Variants in ZBTB7C observed in about 807,000 individuals in gnomAD.
The protein encoded by ZBTB7C is zinc finger and BTB domain-containing protein 7C.
A neutral mutation model predicts 25.7 loss-of-function variants in ZBTB7C; 8 were observed. That is an observed-to-expected ratio of 0.31 (90% confidence interval 0.18 to 0.56). ZBTB7C has a LOEUF of 0.56. Among genes scored for constraint, ZBTB7C ranks in the 20% least tolerant of loss-of-function variants. ZBTB7C has a pLI of 0.91. For missense variants in ZBTB7C, 824 were observed against 855.2 expected (o/e 0.96, Z 0.46); for synonymous variants, 394 against 369.0 (o/e 1.07, Z -0.78).
At position 48,095,031 on chromosome 18, in the gene ZBTB7C, T is replaced by C. The variant is rs1658364033; in HGVS notation, c.-16-53908A>G. Among the ~76,000 whole-genome samples the C allele has an allele frequency of 2.0e-5, 3 of 152,154 alleles. No homozygotes were observed. In the South Asian group the frequency reaches 6.2e-4, roughly 32 times the overall value. ...GCAAGGCATTTCTGGGTTATTCTTC[T>C]CACTCTGGGGCAGCTGAATTTGCTG... is the stretch of plus-strand genomic sequence containing the variant. On this transcript the variant is annotated intron_variant, in intron 3 of 4. Coordinates refer to ENST00000590800, the MANE Select transcript of ZBTB7C (RefSeq NM_001318841.2).
intron 2 of ZBTB7C, among the ~76,000 whole-genome samples, chr18:48,306,490 G>A (rs2144769080): frequency 6.6e-6 from 1 of 152,178 alleles, no homozygotes; most frequent in East Asian, 1.9e-4. Flanking sequence ...AAAACTTTTT[G>A]TATTTCCAGT....
chr18:48,220,098 A>G (rs2068615201), intron 2 of ZBTB7C, among the ~76,000 whole-genome samples: 1 of 152,176 alleles, frequency 6.6e-6, no homozygotes, highest in Non-Finnish European at 1.5e-5. Context: ...GGTGAACTCA[A>G]CATCTGCTCT....
chr18:48,237,377 A>T (rs1283004658), intron 2 of ZBTB7C, among the ~76,000 whole-genome samples: 1 of 152,130 alleles, frequency 6.6e-6, no homozygotes, highest in Non-Finnish European at 1.5e-5. Context: ...CCTAGGAAAC[A>T]GTACAAATGT....
intron 3 of ZBTB7C, among the ~76,000 whole-genome samples, chr18:48,131,523 C>T (rs925797155): frequency 6.6e-6 from 1 of 152,154 alleles, no homozygotes; most frequent in Non-Finnish European, 1.5e-5. Flanking sequence ...TGAGTTCCCC[C>T]ATGCCAGTTG....
intron 2 of ZBTB7C, among the ~76,000 whole-genome samples, chr18:48,232,910 G>T (rs1312529395): frequency 6.6e-6 from 1 of 152,142 alleles, no homozygotes. Context: ...CCAACCCCCT[G>T]GTTGAGTGTT....
At chr18:48,230,542 C>G (rs562345867) in intron 2 of ZBTB7C, among the ~76,000 whole-genome samples, 1 of 152,288 alleles carries the variant, frequency 6.6e-6, no homozygotes, top group Admixed American at 6.5e-5. Context: ...ATGCCTGGGA[C>G]AGATTTTTGG....
intron 2 of ZBTB7C, among the ~76,000 whole-genome samples, chr18:48,207,310 G>C (rs1486605977): frequency 6.6e-6 from 1 of 152,144 alleles, no homozygotes; most frequent in Non-Finnish European, 1.5e-5. Context: ...TTCACTGTTA[G>C]GTATGTGCCC....
intron 1 of ZBTB7C, among the ~76,000 whole-genome samples, chr18:48,349,209 G>A (rs1453468907): frequency 6.6e-6 from 1 of 152,178 alleles, no homozygotes; most frequent in Non-Finnish European, 1.5e-5. Flanking sequence ...AGGGGAGGGA[G>A]GACTAAAGGA....
intron 1 of ZBTB7C, among the ~76,000 whole-genome samples, chr18:48,366,658 A>G (rs2047227683): frequency 6.6e-6 from 1 of 152,246 alleles, no homozygotes; most frequent in Admixed American, 6.5e-5. Context: ...TCCATCTACA[A>G]AACAGGAAAC....
In ZBTB7C at chr18:48,119,226, T is replaced by A. The variant is rs561702834; in HGVS notation, c.-17+66708A>T. On this transcript the variant is annotated intron_variant, in intron 3 of 4. Coordinates refer to ENST00000590800, the MANE Select transcript of ZBTB7C (RefSeq NM_001318841.2). ...ATGACTCTACACTAAAGGGTATTAT[T>A]TCTCCCATTACTTTGTTTGCATCCA... is the stretch of plus-strand genomic sequence containing the variant. Among the ~76,000 whole-genome samples, 8 of 152,356 alleles carry A rather than the reference T, an allele frequency of 5.3e-5. No individual in the cohort carries two copies. In the South Asian group the frequency reaches 1.4e-3, roughly 28 times the overall value.
At chr18:48,336,045 C>G (rs1335521735) in intron 2 of ZBTB7C, among the ~76,000 whole-genome samples, 1 of 152,196 alleles carries the variant, frequency 6.6e-6, no homozygotes, top group Non-Finnish European at 1.5e-5. Flanking sequence ...GGAGTCAAGA[C>G]TCTCCAAGCA....
At chr18:48,200,846 C>A (rs72924031) in intron 2 of ZBTB7C, among the ~76,000 whole-genome samples, 1 of 152,230 alleles carries the variant, frequency 6.6e-6, no homozygotes, top group Non-Finnish European at 1.5e-5. Context: ...GAAGCTGACA[C>A]TTGGCCCAGG....
At chr18:48,074,168 C>A (rs2037667171) in intron 3 of ZBTB7C, among the ~76,000 whole-genome samples, 2 of 152,136 alleles carry the variant, frequency 1.3e-5, no homozygotes, top group Non-Finnish European at 2.9e-5. Context: ...CGCATGCCAC[C>A]ACGCCTAGCT....
intron 3 of ZBTB7C, among the ~76,000 whole-genome samples, chr18:48,102,310 T>C (rs35982789): frequency 0.17 from 26,458 of 152,132 alleles, 2,690 homozygotes; most frequent in South Asian, 0.35. Flanking sequence ...GCAGCTGTAG[T>C]TCCAGAACTT....
At chr18:48,328,623 C>A (rs1026823510) in intron 2 of ZBTB7C, among the ~76,000 whole-genome samples, 1 of 152,160 alleles carries the variant, frequency 6.6e-6, no homozygotes, top group African/African-American at 2.4e-5. Context: ...ACCTGGGGCC[C>A]AGGGAGGTCT....
At chr18:48,137,958 G>T (rs1252007228) in intron 3 of ZBTB7C, among the ~76,000 whole-genome samples, 1 of 152,256 alleles carries the variant, frequency 6.6e-6, no homozygotes, top group Non-Finnish European at 1.5e-5. Context: ...CCAGCTGGGT[G>T]CTGTCAGGCC....
intron 3 of ZBTB7C, among the ~76,000 whole-genome samples, chr18:48,110,821 C>T (rs559222854): frequency 1.7e-3 from 263 of 152,174 alleles, no homozygotes; most frequent in South Asian, 7.7e-3. Flanking sequence ...GGAGGGGGTT[C>T]AGGATGAGGC....
intron 1 of ZBTB7C, among the ~76,000 whole-genome samples, chr18:48,385,729 C>T (rs2047731863): frequency 6.6e-6 from 1 of 152,184 alleles, no homozygotes; most frequent in South Asian, 2.1e-4. Flanking sequence ...CAGAAATACA[C>T]AGGAAACCCT....
At chr18:48,386,981 T>C (rs972836343) in intron 1 of ZBTB7C, among the ~76,000 whole-genome samples, 5 of 152,200 alleles carry the variant, frequency 3.3e-5, no homozygotes, top group African/African-American at 1.2e-4. Flanking sequence ...GAGTAATTAG[T>C]TCCAGTGGAA....
Sources: gnomAD v4.1 joint callset for allele counts (sites outside exome capture counted in the v4.1 genomes callset) on GRCh38, gnomAD v4.1.1 for gene constraint, MANE v1.5 for transcripts, NCBI Gene and HGNC (gene_info 2026-07-23, HGNC 2026-07-21) for gene names.